The following SLMAP variants were observed in gnomAD, a reference collection of about 807,000 sequenced individuals.
SLMAP encodes sarcolemma associated protein, also known as sarcolemmal membrane-associated protein.
SLMAP carries 44 observed loss-of-function variants against 128.8 expected under a neutral mutation model. The observed-to-expected ratio is 0.34, with a 90% CI of 0.27 to 0.44. The LOEUF is 0.44. Ranked by LOEUF, SLMAP falls within the 20% of genes least tolerant of loss-of-function variation. SLMAP has a pLI of 1.00. For synonymous variants in SLMAP, 327 were observed against 348.8 expected (o/e 0.94, Z 0.70); for missense variants, 787 against 985.3 (o/e 0.80, Z 2.69).
At chr3:57,838,399 A>G (rs946607889) in intron 3 of SLMAP, among the ~76,000 whole-genome samples, 7 of 152,328 alleles carry the variant, frequency 4.6e-5, no homozygotes, top group African/African-American at 1.4e-4. Context: ...AGTAAGAAAC[A>G]TCTTTGCACA....
At chr3:57,840,365 A>G (rs1024004084) in intron 3 of SLMAP, among the ~76,000 whole-genome samples, 11 of 152,264 alleles carry the variant, frequency 7.2e-5, no homozygotes, top group African/African-American at 2.7e-4. Context: ...TCTCATAACC[A>G]CCACTCCCCT....
chr3:57,895,714 G>A (rs1030005903), intron 15 of SLMAP, among the ~76,000 whole-genome samples: 1 of 152,038 alleles, frequency 6.6e-6, no homozygotes, highest in African/African-American at 2.4e-5. Context: ...GGCTGAGACG[G>A]GAGGATCAGT....
intron 6 of SLMAP, among the ~76,000 whole-genome samples, chr3:57,854,166 T>A (rs2094655491): frequency 6.6e-6 from 1 of 150,376 alleles, no homozygotes; most frequent in Non-Finnish European, 1.5e-5. Context: ...ATAAGTCCCT[T>A]AATTACATTG....
At chr3:57,889,131 G>T (rs565651491) in intron 14 of SLMAP, among the ~76,000 whole-genome samples, 2 of 152,220 alleles carry the variant, frequency 1.3e-5, no homozygotes, top group Admixed American at 6.5e-5. Flanking sequence ...TGATCCACCC[G>T]CCTTGGCCTC....
chr3:57,895,657 C>T (rs2096224341), intron 15 of SLMAP, among the ~76,000 whole-genome samples: 1 of 151,476 alleles, frequency 6.6e-6, no homozygotes, highest in African/African-American at 2.4e-5. Flanking sequence ...AAAGTTTTTT[C>T]TTGGCCAGGT....
Position 57,913,226 on chromosome 3 carries a change from A to G in SLMAP, c.2089A>G (p.Asn697Asp), listed in dbSNP as rs1164353946. The G allele has an allele frequency of 1.2e-6, 2 of 1,600,426 alleles. No homozygotes were observed. The highest frequency in any genetic ancestry group is 1.3e-5 in the African/African-American group (1 of 74,754). ...ETECHSLKRENVLLSSELQRQ... is the reference protein window; with the variant it reads ...ETECHSLKREDVLLSSELQRQ... ...CGAATGCCATTCTCTAAAAAGGGAA[A>G]ATGTTTTGCTATCATCAGAACTGCA... Residue 697 changes from asparagine to aspartate, a missense_variant, in exon 21 of 25, where the codon AAT becomes GAT. Asn to Asp is a conservative substitution (Grantham distance 23). Around this residue, in one of 2 missense-constraint regions of SLMAP, gnomAD observed 715 missense variants for 843.6 expected, o/e 0.85. Transcript: ENST00000671191.
At chr3:57,900,654 A>C (rs771791622) in intron 17 of SLMAP, 1 of 152,634 alleles carries the variant, frequency 6.6e-6, no homozygotes, top group Non-Finnish European at 1.5e-5. Context: ...CATCTCTACA[A>C]AAATTAGCCA....
chr3:57,878,836 GA>G (rs1360772065), intron 14 of SLMAP, among the ~76,000 whole-genome samples: 4 of 152,142 alleles, frequency 2.6e-5, no homozygotes, highest in Non-Finnish European at 4.4e-5. Flanking sequence ...ACCCAATTTT[GA>G]GACTTAGAAA....
At chr3:57,915,549 A>T (rs1453258074) in intron 21 of SLMAP, among the ~76,000 whole-genome samples, 2 of 152,228 alleles carry the variant, frequency 1.3e-5, no homozygotes, top group African/African-American at 4.8e-5. Context: ...GCTTGACAAC[A>T]TCAGACCCAC....
intron 2 of SLMAP, among the ~76,000 whole-genome samples, chr3:57,826,375 G>C (rs1009509637): frequency 1.3e-5 from 2 of 152,066 alleles, no homozygotes; most frequent in Non-Finnish European, 2.9e-5. Flanking sequence ...TAAAATAACT[G>C]TATGGATGTG....
In SLMAP at chr3:57,857,848, T is replaced by A; in HGVS notation, c.615+20T>A. ...TGGCAGGTATTCCAGTTGTTTTATA[T>A]TTAAGAAACATTTAAACATAGTTTA... On this transcript the variant is annotated intron_variant, in intron 7 of 24. Transcript: ENST00000671191. 6.7e-7 allele frequency: 1 copy of A among 1,487,062 alleles called. No homozygotes were observed. Among genetic ancestry groups the A allele is most frequent in the Non-Finnish European group, 9.4e-7 (1 of 1,066,736 alleles). The allele number at this position is 1,487,062 out of a possible 1,614,324, so 92.1% of individuals were successfully genotyped here.
intron 4 of SLMAP, among the ~76,000 whole-genome samples, chr3:57,843,724 TTCTTTCTTTCTTTCTTTC>T (rs944734635): frequency 6.6e-6 from 1 of 150,972 alleles, no homozygotes; most frequent in Non-Finnish European, 1.5e-5. Flanking sequence ...TTCTTTCTTT[TTCTTTCTTTCTTTCTTTC>T]TCTCCCTTTC....
intron 14 of SLMAP, among the ~76,000 whole-genome samples, chr3:57,888,542 G>A (rs535896395): frequency 1.4e-4 from 22 of 151,970 alleles, no homozygotes; most frequent in Non-Finnish European, 2.8e-4. Flanking sequence ...ATTTGAACCC[G>A]GGAGGCAGAG....
intron 15 of SLMAP, among the ~76,000 whole-genome samples, chr3:57,894,969 A>G (rs917922710): frequency 1.3e-5 from 2 of 152,066 alleles, no homozygotes; most frequent in African/African-American, 2.4e-5. Flanking sequence ...TCATTCAGAG[A>G]AATGACATTT....
Position 57,909,949 on chromosome 3 carries a change from A to G in SLMAP, c.1699+799A>G, listed in dbSNP as rs539742428. ...TTTTTTAAAGAAAATTCAAGGGAAG[A>G]TTGTCCAGTACTCTCGTATTAGACA... On this transcript the variant is annotated intron_variant, in intron 19 of 24. Coordinates refer to ENST00000671191, the MANE Select transcript of SLMAP (RefSeq NM_001377540.1). Among the ~76,000 whole-genome samples, 47 of 150,108 alleles carry G rather than the reference A, an allele frequency of 3.1e-4. No homozygotes were observed. In the Middle Eastern group the frequency reaches 0.01, roughly 33 times the overall value.
At chr3:57,905,052 C>T (rs557780507) in intron 17 of SLMAP, among the ~76,000 whole-genome samples, 1 of 152,214 alleles carries the variant, frequency 6.6e-6, no homozygotes, top group Admixed American at 6.5e-5. Context: ...GCCTGGGCAA[C>T]AGAGCAAGAC....
At chr3:57,818,541 T>A (rs1409451349) in intron 2 of SLMAP, among the ~76,000 whole-genome samples, 1 of 152,232 alleles carries the variant, frequency 6.6e-6, no homozygotes, top group Non-Finnish European at 1.5e-5. Context: ...AAAAAATGCA[T>A]GCAGAGTAGT....
At chr3:57,858,206 T>C (rs1183339287) in intron 8 of SLMAP, 47 bp downstream of exon 8, 7 of 1,009,008 alleles carry the variant, frequency 6.9e-6, no homozygotes, top group Non-Finnish European at 1.1e-5. Context: ...TAGTTTTTTA[T>C]GTAACATCAT....
chr3:57,880,348 C>T (rs766770056), intron 14 of SLMAP, among the ~76,000 whole-genome samples: 6 of 151,932 alleles, frequency 3.9e-5, no homozygotes, highest in Non-Finnish European at 1.5e-5. Flanking sequence ...ATTACAGGTG[C>T]ATGCCACCAC....
Sources: allele counts gnomAD v4.1 joint callset (sites outside exome capture counted in the v4.1 genomes callset), GRCh38; gene constraint gnomAD v4.1.1; regional missense constraint gnomAD v4.1.1; transcripts MANE v1.5; gene names NCBI Gene and HGNC (gene_info 2026-07-23, HGNC 2026-07-21).